The following LSAMP variants were observed in gnomAD, a reference collection of about 807,000 sequenced individuals.
The protein encoded by LSAMP is limbic system associated membrane protein.
In LSAMP, 7 loss-of-function variants were observed where a neutral mutation model predicts 38.6. That is an observed-to-expected ratio of 0.18 (90% CI 0.10 to 0.34). The LOEUF (loss-of-function observed/expected upper bound fraction) is 0.34, where lower values mean the gene tolerates loss of function less well. Among genes scored for constraint, LSAMP ranks in the 10% least tolerant of loss-of-function variants. The probability of loss-of-function intolerance (pLI) is 1.00; values close to 1 mark genes in which losing one functional copy is unlikely to be tolerated. For missense variants in LSAMP, 313 were observed against 420.0 expected (o/e 0.75, Z 2.23); for synonymous variants, 154 against 166.8 (o/e 0.92, Z 0.59).
chr3:116,069,091 C>T (rs1447263722), intron 2 of LSAMP, among the ~76,000 whole-genome samples: 2 of 152,142 alleles, frequency 1.3e-5, no homozygotes, highest in Non-Finnish European at 2.9e-5. Context: ...CAGTCAGTTT[C>T]TATTACACTT....
intron 1 of LSAMP, among the ~76,000 whole-genome samples, chr3:116,272,525 C>G (rs2046987832): frequency 6.6e-6 from 1 of 152,134 alleles, no homozygotes; most frequent in African/African-American, 2.4e-5. Context: ...TAGGGAGATG[C>G]AATTTCTCAA....
intron 1 of LSAMP, among the ~76,000 whole-genome samples, chr3:116,110,469 C>T (rs945346230): frequency 2.6e-5 from 4 of 152,198 alleles, no homozygotes; most frequent in African/African-American, 7.2e-5. Flanking sequence ...CCTTCCCAGT[C>T]TGTGACCGGC....
At chr3:116,130,962 G>C (rs928333134) in intron 1 of LSAMP, among the ~76,000 whole-genome samples, 3 of 149,726 alleles carry the variant, frequency 2.0e-5, no homozygotes, top group Admixed American at 6.7e-5. Flanking sequence ...CTTCACTTCC[G>C]GTAACAACTG....
intron 1 of LSAMP, among the ~76,000 whole-genome samples, chr3:116,331,031 T>G (rs919801532): frequency 6.6e-6 from 1 of 152,004 alleles, no homozygotes; most frequent in Non-Finnish European, 1.5e-5. Flanking sequence ...TAAAAAAATA[T>G]GTATGAACAA....
chr3:116,407,845 C>T (rs1202342265), intron 1 of LSAMP, among the ~76,000 whole-genome samples: 3 of 151,988 alleles, frequency 2.0e-5, no homozygotes, highest in Non-Finnish European at 2.9e-5. Context: ...TATCATTCAC[C>T]AAGTGGACCA....
chr3:116,390,081 G>A (rs2107811104), intron 1 of LSAMP, among the ~76,000 whole-genome samples: 1 of 150,564 alleles, frequency 6.6e-6, no homozygotes, highest in South Asian at 2.1e-4. Flanking sequence ...GACCTTCCAG[G>A]TAAAAAAGTC....
intron 1 of LSAMP, among the ~76,000 whole-genome samples, chr3:116,422,563 G>C (rs1317884291): frequency 6.6e-6 from 1 of 152,166 alleles, no homozygotes; most frequent in South Asian, 2.1e-4. Context: ...CAGAAAGTAA[G>C]TTGGAGGTTG....
intron 3 of LSAMP, among the ~76,000 whole-genome samples, chr3:115,906,357 A>C (rs1482716999): frequency 6.6e-6 from 1 of 152,152 alleles, no homozygotes; most frequent in African/African-American, 2.4e-5. Flanking sequence ...TTTTGCATGT[A>C]AGTCCTGGGA....
chr3:116,374,139 AGATT>A (rs2048464651), intron 1 of LSAMP, among the ~76,000 whole-genome samples: 1 of 151,940 alleles, frequency 6.6e-6, no homozygotes. Context: ...AGCAGTCAAG[AGATT>A]GAACTGTGGA....
intron 3 of LSAMP, among the ~76,000 whole-genome samples, chr3:115,933,068 A>T (rs9827753): frequency 1.3e-5 from 2 of 152,180 alleles, no homozygotes; most frequent in African/African-American, 4.8e-5. Flanking sequence ...AGTGAGAGCT[A>T]GCAGTCAAGG....
intron 3 of LSAMP, among the ~76,000 whole-genome samples, chr3:116,004,533 TATACAC>T (rs1559916544): frequency 6.7e-6 from 1 of 148,676 alleles, no homozygotes. Context: ...TATATATATA[TATACAC>T]ACACACACGT....
At chr3:116,385,122 C>T (rs567886846) in intron 1 of LSAMP, among the ~76,000 whole-genome samples, 39 of 151,170 alleles carry the variant, frequency 2.6e-4, no homozygotes, top group African/African-American at 9.0e-4. Flanking sequence ...AACACAAAAC[C>T]AAAGAGAAAG....
chr3:116,374,401 A>G (rs2048468909), intron 1 of LSAMP, among the ~76,000 whole-genome samples: 1 of 151,926 alleles, frequency 6.6e-6, no homozygotes, highest in African/African-American at 2.4e-5. Flanking sequence ...GAACGATGCC[A>G]TTTGAAACTT....
rs117851940 is a variant in LSAMP at position 116,134,733 on chromosome 3, C to T, written c.156-48177G>A. Among the ~76,000 whole-genome samples the T allele has an allele frequency of 5.5e-4, 83 of 152,254 alleles. 1 individual carries two copies. In the East Asian group the frequency reaches 0.016, roughly 29 times the overall value. On this transcript the variant is annotated intron_variant, in intron 1 of 6. Coordinates refer to ENST00000490035, the MANE Select transcript of LSAMP (RefSeq NM_002338.5). ...CTCCAGTCACTCTCTTTCACATTAC[C>T]CTGTTTTAGTTACTTTATAACAGTG...
chr3:116,421,408 GA>G (rs2049123083), intron 1 of LSAMP, among the ~76,000 whole-genome samples: 4 of 151,836 alleles, frequency 2.6e-5, no homozygotes, highest in Non-Finnish European at 1.5e-5. Flanking sequence ...TGTCTCTACT[GA>G]AAATAGAAGA....
At chr3:116,338,023 T>C (rs1002132016) in intron 1 of LSAMP, among the ~76,000 whole-genome samples, 2 of 152,062 alleles carry the variant, frequency 1.3e-5, no homozygotes, top group African/African-American at 4.8e-5. Flanking sequence ...CCTGTTTGCT[T>C]CTTTTCCTCC....
At chr3:116,245,550 A>G (rs1477409722) in intron 1 of LSAMP, among the ~76,000 whole-genome samples, 1 of 152,162 alleles carries the variant, frequency 6.6e-6, no homozygotes, top group Non-Finnish European at 1.5e-5. Context: ...CTATATGCAA[A>G]CTATATACAA....
intron 1 of LSAMP, among the ~76,000 whole-genome samples, chr3:116,328,781 A>G (rs1303146858): frequency 1.3e-5 from 2 of 152,196 alleles, no homozygotes; most frequent in African/African-American, 4.8e-5. Flanking sequence ...GCTAATTATC[A>G]TTCATCAAAA....
At chr3:116,063,738 TA>T (rs1416962553) in intron 2 of LSAMP, among the ~76,000 whole-genome samples, 2 of 152,136 alleles carry the variant, frequency 1.3e-5, no homozygotes, top group African/African-American at 4.8e-5. Context: ...TAAAACATTT[TA>T]AAATAATGAC....
Sources: allele counts gnomAD v4.1 joint callset (sites outside exome capture counted in the v4.1 genomes callset), GRCh38; gene constraint gnomAD v4.1.1; transcripts MANE v1.5; gene names NCBI Gene and HGNC (gene_info 2026-07-23, HGNC 2026-07-21).